The following MTRR variants were observed in gnomAD, a reference collection of about 807,000 sequenced individuals.
MTRR encodes the protein methionine synthase reductase.
A neutral mutation model predicts 79.2 loss-of-function variants in MTRR; 63 were observed. The ratio of observed to expected loss-of-function variants is 0.80; its 90% CI spans 0.65 to 0.98. The LOEUF (loss-of-function observed/expected upper bound fraction) is 0.98. MTRR is among the 50% of genes least tolerant of loss of function. MTRR has a pLI of 0.00. For synonymous variants in MTRR, 355 were observed against 313.3 expected (o/e 1.13, Z -1.41); for missense variants, 895 against 839.6 (o/e 1.07, Z -0.82).
At chr5:7,891,531 G>GCC in intron 10 of MTRR, 117 bp downstream of exon 10, 1 of 813,776 alleles carries the variant, frequency 1.2e-6, no homozygotes, top group Non-Finnish European at 2.1e-6. Context: ...CTTTATGGAA[G>GCC]ACAGTACCAG....
intron 9 of MTRR, 116 bp downstream of exon 9, chr5:7,889,391 A>G: frequency 2.8e-6 from 3 of 1,063,822 alleles, no homozygotes; most frequent in Non-Finnish European, 4.2e-6. Flanking sequence ...TCCTATGCCT[A>G]AAGAATATAT....
intron 1 of MTRR, chr5:7,869,530 T>C: frequency 2.9e-6 from 1 of 343,992 alleles, no homozygotes; most frequent in Non-Finnish European, 5.5e-6. Flanking sequence ...GAAACCGCAC[T>C]CGGGGACGCG....
At chr5:7,899,563 G>A (rs1402557744) in intron 14 of MTRR, among the ~76,000 whole-genome samples, 3 of 152,222 alleles carry the variant, frequency 2.0e-5, no homozygotes, top group African/African-American at 4.8e-5. Flanking sequence ...TGTGTGCTTT[G>A]AGAGTGGAGG....
chr5:7,863,033 A>T (rs1307305113), intron 2 of MTRR: 1 of 1,554,742 alleles, frequency 6.4e-7, no homozygotes, highest in African/African-American at 1.4e-5. Context: ...AGAAAGAAAA[A>T]TAAGATATAA....
upstream of MTRR, chr5:7,867,388 A>C (rs759830165): frequency 2.5e-6 from 4 of 1,614,088 alleles, no homozygotes; most frequent in South Asian, 4.4e-5. Context: ...GTGTCACACA[A>C]CCTGAACTGT....
At chr5:7,899,082 C>G (rs978700395) in intron 14 of MTRR, among the ~76,000 whole-genome samples, 2 of 152,048 alleles carry the variant, frequency 1.3e-5, no homozygotes, top group African/African-American at 4.8e-5. Flanking sequence ...GCCACACACT[C>G]AAATAGCCAG....
At position 7,889,322 on chromosome 5, in the gene MTRR, G is replaced by A. The variant is rs550761021; in HGVS notation, c.1327+47G>A. The A allele has an allele frequency of 2.4e-5, 39 of 1,608,480 alleles. No individual in the cohort carries two copies. In the South Asian group the frequency reaches 3.4e-4, roughly 14 times the overall value. ...CACCTTGGTGGCTGTTCGTGCACTG[G>A]TAGGCGGGCCACCTTTCTGTAGTAA... On this transcript the variant is annotated intron_variant, in intron 9 of 14. Coordinates refer to ENST00000440940, the MANE Select transcript of MTRR (RefSeq NM_002454.3).
rs954132683 is a variant in MTRR, at chr5:7,890,242, T to G, written c.1327+967T>G. On this transcript the variant is annotated intron_variant, in intron 9 of 14. Transcript: ENST00000440940. ...CCTTCTTTGCAAGTCAGGGCCTGAT[T>G]TCTCCTCCTTTTTCTTAGTGTTTTT... 8.1e-6 allele frequency: 8 copies of G among 985,002 alleles called. No individual in the cohort carries two copies. In the African/African-American group the frequency reaches 1.4e-4, roughly 17 times the overall value. The allele number at this position is 985,002 out of a possible 1,614,324, so 61.0% of individuals were successfully genotyped here. A position where few individuals can be genotyped will look rare whatever the true frequency, so the allele number is the denominator to read the frequency against.
At position 7,884,424 on chromosome 5, in the gene MTRR, G is replaced by T. The variant is rs371522033; in HGVS notation, c.903+1147G>T. Among the ~76,000 whole-genome samples, 7 of 152,298 alleles carry T rather than the reference G, an allele frequency of 4.6e-5. No individual in the cohort carries two copies. The East Asian group carries it at 1.2e-3, about 25-fold the overall frequency. ...ATGCACATCCTCCCCTACACTTTAA[G>T]TCATCTGTAGATTACTTACAGTATC... On this transcript the variant is annotated intron_variant, in intron 6 of 14. Transcript: ENST00000440940.
At chr5:7,899,375 G>T (rs1293850852) in intron 14 of MTRR, among the ~76,000 whole-genome samples, 1 of 152,190 alleles carries the variant, frequency 6.6e-6, no homozygotes, top group East Asian at 1.9e-4. Flanking sequence ...AGGACTGCAA[G>T]AGCACCCAGG....
chr5:7,869,368 G>A, intron 1 of MTRR, 153 bp downstream of exon 1: 1 of 804,220 alleles, frequency 1.2e-6, no homozygotes. Flanking sequence ...GGCGCGGGCT[G>A]GGGCTCGGAC....
At chr5:7,887,658 C>A (rs1435168574) in intron 8 of MTRR, among the ~76,000 whole-genome samples, 1 of 147,204 alleles carries the variant, frequency 6.8e-6, no homozygotes, top group Admixed American at 6.8e-5. Flanking sequence ...TGAAAGCTTA[C>A]CGATTAAGTC....
chr5:7,896,863 G>A lies in MTRR; in HGVS notation c.1677-1G>A, dbSNP rs747041200. Reference sequence around the variant, plus strand: ...CCTAAACTTTTTTTTTTTCCACTTAGAGAGAAACTCCAAGAACAACACCCA... The same window carrying A: ...CCTAAACTTTTTTTTTTTCCACTTAAAGAGAAACTCCAAGAACAACACCCA... On this transcript the variant is annotated splice_acceptor_variant, in intron 12 of 14. Coordinates refer to ENST00000440940, the MANE Select transcript of MTRR (RefSeq NM_002454.3). LOFTEE classifies it high-confidence loss of function. 6.2e-7 allele frequency: 1 copy of A among 1,612,688 alleles called. No individual in the cohort carries two copies. Among genetic ancestry groups the A allele is most frequent in the Admixed American group, 1.7e-5 (1 of 59,882 alleles).
At chr5:7,897,634 G>T (rs1289654103) in intron 14 of MTRR, among the ~76,000 whole-genome samples, 2 of 152,206 alleles carry the variant, frequency 1.3e-5, no homozygotes, top group Non-Finnish European at 2.9e-5. Flanking sequence ...GAAAAAGTAT[G>T]ATTTTTGATG....
intron 2 of MTRR, among the ~76,000 whole-genome samples, chr5:7,873,131 ATCCCCCCCAACC>A (rs1397991597): frequency 6.6e-6 from 1 of 152,114 alleles, no homozygotes; most frequent in Non-Finnish European, 1.5e-5. Context: ...AGACGTGTTA[ATCCCCCCCAACC>A]TCTTGATGAG....
chr5:7,892,310 T>G (rs2126790938), intron 10 of MTRR, among the ~76,000 whole-genome samples: 1 of 152,358 alleles, frequency 6.6e-6, no homozygotes, highest in East Asian at 1.9e-4. Context: ...ATTTTTAGTT[T>G]TCTCCTTTCT....
upstream of MTRR, chr5:7,867,929 G>A (rs1422042649): frequency 1.2e-6 from 2 of 1,614,002 alleles, no homozygotes; most frequent in African/African-American, 1.3e-5. Flanking sequence ...GACCCCGAAA[G>A]GCTCAGGTTG....
At chr5:7,894,989 G>A (rs1420506987) in intron 11 of MTRR, among the ~76,000 whole-genome samples, 2 of 152,184 alleles carry the variant, frequency 1.3e-5, no homozygotes, top group African/African-American at 4.8e-5. Flanking sequence ...AAAAGGTATG[G>A]TGTTCAGGCT....
chr5:7,851,079 C>G, upstream of MTRR: 4 of 1,234,760 alleles, frequency 3.2e-6, no homozygotes, highest in Non-Finnish European at 4.0e-6. Context: ...GCCCAGGGGC[C>G]CAGTCGGAGT....
Sources: allele counts gnomAD v4.1 joint callset (sites outside exome capture counted in the v4.1 genomes callset), GRCh38; gene constraint gnomAD v4.1.1; transcripts MANE v1.5; gene names NCBI Gene and HGNC (gene_info 2026-07-23, HGNC 2026-07-21).